ZFHX3: variants seen among roughly 807,000 people sequenced by gnomAD.
ZFHX3 encodes the protein zinc finger homeobox 3.
ZFHX3 carries 42 observed loss-of-function variants against 279.1 expected under a neutral mutation model. That is an observed-to-expected ratio of 0.15 (90% confidence interval 0.12 to 0.19). The LOEUF (loss-of-function observed/expected upper bound fraction) is 0.19. Ranked by LOEUF, ZFHX3 falls within the 10% of genes least tolerant of loss-of-function variation. The pLI, the probability that ZFHX3 is intolerant of heterozygous loss-of-function variation, is 1.00. For missense variants in ZFHX3, 4,981 were observed against 4,754.0 expected (o/e 1.05, Z -1.40); for synonymous variants, 2,293 against 1,957.8 (o/e 1.17, Z -4.52).
intron 4 of ZFHX3, among the ~76,000 whole-genome samples, chr16:72,862,441 A>T (rs772673499): frequency 1.3e-5 from 2 of 152,252 alleles, no homozygotes; most frequent in Non-Finnish European, 1.5e-5. Flanking sequence ...ACAAATATTT[A>T]ATGAGGAAAG....
At chr16:73,567,895 C>G (rs1020246847) in intron 2 of ZFHX3, among the ~76,000 whole-genome samples, 1 of 151,914 alleles carries the variant, frequency 6.6e-6, no homozygotes, top group African/African-American at 2.4e-5. Flanking sequence ...GGACATTGAA[C>G]GTAAACCAAT....
At chr16:73,787,854 A>T (rs60302403) in intron 1 of ZFHX3, among the ~76,000 whole-genome samples, 3,114 of 122,266 alleles carry the variant, frequency 0.025, 123 homozygotes, top group African/African-American at 0.088. Context: ...TGTGTGTGTG[A>T]AAGAGAGAGA....
chr16:73,206,533 T>C (rs2011809499), intron 5 of ZFHX3, among the ~76,000 whole-genome samples: 1 of 152,204 alleles, frequency 6.6e-6, no homozygotes, highest in Non-Finnish European at 1.5e-5. Flanking sequence ...GGTTACATCA[T>C]AGTAAGATTT....
chr16:73,232,704 G>A (rs1268765298), intron 5 of ZFHX3: 2 of 152,174 alleles, frequency 1.3e-5, no homozygotes, highest in Admixed American at 6.5e-5. Flanking sequence ...GGATTCCTTG[G>A]CTTGCTGACA....
At chr16:73,545,611 A>T (rs1487344944) in intron 2 of ZFHX3, among the ~76,000 whole-genome samples, 2 of 152,122 alleles carry the variant, frequency 1.3e-5, no homozygotes, top group Non-Finnish European at 2.9e-5. Flanking sequence ...GGTTTGCTGC[A>T]TTCACTTGTC....
chr16:73,609,208 A>C (rs1356529915), intron 2 of ZFHX3: 3 of 152,206 alleles, frequency 2.0e-5, no homozygotes, highest in Non-Finnish European at 2.9e-5. Flanking sequence ...ATGCAAATAC[A>C]TTTGATTTGC....
chr16:73,869,328 C>T (rs1246139732), intron 1 of ZFHX3, among the ~76,000 whole-genome samples: 3 of 152,172 alleles, frequency 2.0e-5, no homozygotes, highest in Admixed American at 1.3e-4. Flanking sequence ...GAATGTTTAG[C>T]TAAATTTTAG....
chr16:73,275,246 C>T (rs2014262817), intron 4 of ZFHX3, among the ~76,000 whole-genome samples: 1 of 152,130 alleles, frequency 6.6e-6, no homozygotes, highest in Non-Finnish European at 1.5e-5. Context: ...ACATATTTAC[C>T]TTTCTCTTCC....
intron 3 of ZFHX3, among the ~76,000 whole-genome samples, chr16:73,377,582 A>C (rs2016743348): frequency 1.3e-5 from 2 of 152,060 alleles, no homozygotes; most frequent in African/African-American, 2.4e-5. Context: ...ATTCACAGAC[A>C]TCACTTTCAG....
At chr16:72,896,055 T>C (rs1474136912) in intron 3 of ZFHX3, among the ~76,000 whole-genome samples, 2 of 152,148 alleles carry the variant, frequency 1.3e-5, no homozygotes, top group Admixed American at 6.5e-5. Context: ...AGTATCTAGT[T>C]TGAGTCATAA....
intron 3 of ZFHX3, among the ~76,000 whole-genome samples, chr16:73,334,810 CTTTTTTTTTT>C (rs368597124): frequency 1.0e-3 from 59 of 57,916 alleles, no homozygotes; most frequent in African/African-American, 2.9e-3. Flanking sequence ...CTTTCTCATT[CTTTTTTTTTT>C]TTTTTTTTTT....
intron 8 of ZFHX3, among the ~76,000 whole-genome samples, chr16:73,065,237 G>T (rs1275112496): frequency 6.6e-6 from 1 of 152,198 alleles, no homozygotes; most frequent in Non-Finnish European, 1.5e-5. Flanking sequence ...ACGGTGGCAC[G>T]TGCATTGTTG....
intron 1 of ZFHX3, among the ~76,000 whole-genome samples, chr16:73,760,861 C>T (rs1321706950): frequency 1.3e-5 from 2 of 151,936 alleles, no homozygotes; most frequent in African/African-American, 2.4e-5. Flanking sequence ...AAATCCATAG[C>T]CAATATCATA....
At chr16:73,280,399 G>C (rs1258075056) in intron 4 of ZFHX3, among the ~76,000 whole-genome samples, 1 of 151,984 alleles carries the variant, frequency 6.6e-6, no homozygotes, top group Non-Finnish European at 1.5e-5. Context: ...TCATACAACT[G>C]AATAGCAAAA....
At chr16:73,290,467 A>T (rs763951119) in intron 4 of ZFHX3, among the ~76,000 whole-genome samples, 4 of 152,204 alleles carry the variant, frequency 2.6e-5, no homozygotes, top group Non-Finnish European at 5.9e-5. Flanking sequence ...TGTTTAATGC[A>T]ACAGAAGGAG....
chr16:73,254,706 T>C (rs1329026927), intron 5 of ZFHX3, among the ~76,000 whole-genome samples: 1 of 152,230 alleles, frequency 6.6e-6, no homozygotes, highest in Non-Finnish European at 1.5e-5. Context: ...ATTCTCATCA[T>C]GTTTTTGTCT....
chr16:72,881,490 G>A (rs557392071), intron 4 of ZFHX3, among the ~76,000 whole-genome samples: 2 of 152,300 alleles, frequency 1.3e-5, no homozygotes, highest in East Asian at 1.9e-4. Flanking sequence ...ATTTCTGTAC[G>A]CAGAGAGATA....
intron 1 of ZFHX3, among the ~76,000 whole-genome samples, chr16:73,699,585 C>T (rs1156556538): frequency 6.6e-6 from 1 of 152,196 alleles, no homozygotes; most frequent in African/African-American, 2.4e-5. Flanking sequence ...AAAACAAACA[C>T]ACTAGCTAGC....
intron 3 of ZFHX3, among the ~76,000 whole-genome samples, chr16:73,338,372 C>A (rs114545604): frequency 4.6e-5 from 7 of 152,112 alleles, no homozygotes; most frequent in African/African-American, 1.7e-4. Flanking sequence ...CTGGGCACAT[C>A]GTAGGGCCTT....
Sources: allele counts gnomAD v4.1 joint callset (sites outside exome capture counted in the v4.1 genomes callset), GRCh38; gene constraint gnomAD v4.1.1; transcripts MANE v1.5; gene names NCBI Gene and HGNC (gene_info 2026-07-23, HGNC 2026-07-21).